Variants in CDC42SE2 observed in about 807,000 individuals in gnomAD.
CDC42SE2 encodes the protein CDC42 small effector protein 2.
A neutral mutation model predicts 11.5 loss-of-function variants in CDC42SE2; 3 were observed. The ratio of observed to expected loss-of-function variants is 0.26; its 90% confidence interval spans 0.12 to 0.67. The LOEUF is 0.67. CDC42SE2 is among the 30% of genes least tolerant of loss of function. CDC42SE2 has a pLI of 0.80. For synonymous variants in CDC42SE2, 33 were observed against 34.8 expected, an observed-to-expected ratio of 0.95 and a Z score of 0.18; for missense variants, 82 against 106.8, an observed-to-expected ratio of 0.77 and a Z score of 1.02.
At chr5:131,280,224 G>GCA (rs973445982) in intron 1 of CDC42SE2, among the ~76,000 whole-genome samples, 2 of 152,052 alleles carry the variant, frequency 1.3e-5, no homozygotes, top group African/African-American at 4.8e-5. Context: ...TCTCTTTTAT[G>GCA]CACACACACA....
chr5:131,217,744 AC>A, the CDC42SE2 span, among the ~76,000 whole-genome samples: 1 of 152,324 alleles, frequency 6.6e-6, no homozygotes, highest in East Asian at 1.9e-4. Context: ...AAACTTAATA[AC>A]CTCTGTTTGC....
chr5:131,327,548 A>G (rs1758323476), intron 2 of CDC42SE2, among the ~76,000 whole-genome samples: 2 of 152,186 alleles, frequency 1.3e-5, no homozygotes, highest in Non-Finnish European at 2.9e-5. Flanking sequence ...TCATATTGGA[A>G]TGATGTTTTG....
At chr5:131,327,497 C>A (rs939158400) in intron 2 of CDC42SE2, among the ~76,000 whole-genome samples, 1 of 151,926 alleles carries the variant, frequency 6.6e-6, no homozygotes. Flanking sequence ...TTTATGTGAC[C>A]CTCTGAGGCT....
At chr5:131,295,979 C>T (rs980413311) in intron 1 of CDC42SE2, among the ~76,000 whole-genome samples, 11 of 152,158 alleles carry the variant, frequency 7.2e-5, no homozygotes, top group African/African-American at 1.7e-4. Context: ...GCCACCGCAC[C>T]CGGCCAACAC....
Position 131,332,338 on chromosome 5 carries a change from G to A in CDC42SE2, c.-286+16194G>A, listed in dbSNP as rs527745690. Reference sequence around the variant, plus strand: ...CTGCATAGTATTCCACGGTGTATATGTGCCACATTTTCTTAATCCAGTCTA... The same window carrying A: ...CTGCATAGTATTCCACGGTGTATATATGCCACATTTTCTTAATCCAGTCTA... On this transcript the variant is annotated intron_variant, in intron 2 of 4. Transcript: ENST00000505065. Among the ~76,000 whole-genome samples, 380 of 152,344 alleles carry A rather than the reference G, an allele frequency of 2.5e-3. 2 individuals carry two copies. The highest frequency in any genetic ancestry group is 8.4e-3 in the African/African-American group (348 of 41,576).
At chr5:131,280,417 C>T (rs900467087) in intron 1 of CDC42SE2, among the ~76,000 whole-genome samples, 6 of 152,016 alleles carry the variant, frequency 3.9e-5, no homozygotes, top group African/African-American at 7.3e-5. Flanking sequence ...TTCACTTTAA[C>T]GAATATTATC....
chr5:131,303,777 C>T (rs1288038774), intron 1 of CDC42SE2, among the ~76,000 whole-genome samples: 2 of 152,088 alleles, frequency 1.3e-5, no homozygotes, highest in African/African-American at 4.8e-5. Flanking sequence ...TGGGATGATG[C>T]AAAACTAGCA....
At chr5:131,351,176 C>G (rs1287090036) in intron 2 of CDC42SE2, among the ~76,000 whole-genome samples, 1 of 152,038 alleles carries the variant, frequency 6.6e-6, no homozygotes, top group African/African-American at 2.4e-5. Context: ...TCTTGAACTC[C>G]TGAGCTCCAG....
intron 3 of CDC42SE2, among the ~76,000 whole-genome samples, chr5:131,360,106 T>G (rs1749665903): frequency 6.6e-6 from 1 of 152,202 alleles, no homozygotes; most frequent in Non-Finnish European, 1.5e-5. Context: ...ACCAAAATCC[T>G]GCCCTCCAGC....
chr5:131,216,501 CAAA>C, the CDC42SE2 span, among the ~76,000 whole-genome samples: 11 of 42,168 alleles, frequency 2.6e-4, no homozygotes, highest in African/African-American at 1.1e-3. Context: ...GAACCTGTCT[CAAA>C]AAAAAAAAAA....
At chr5:131,308,542 G>C (rs1224398400) in intron 1 of CDC42SE2, among the ~76,000 whole-genome samples, 1 of 151,792 alleles carries the variant, frequency 6.6e-6, no homozygotes, top group Non-Finnish European at 1.5e-5. Context: ...GGGCAGTATG[G>C]CCATTTTCAC....
In CDC42SE2 at chr5:131,393,186, C is replaced by CT. The variant is rs1168901792; in HGVS notation, c.*2098dup. On this transcript the variant is annotated 3_prime_UTR_variant, in exon 5 of 5. Transcript: ENST00000505065. The stretch of plus-strand genomic sequence containing the variant: ...ATAACAAATGGGGCTTAATTAAAAA[C>CT]TTTAACTTGGAATAAAGGAACAGGG... The CT allele has an allele frequency of 8.5e-5, 13 of 152,304 alleles. No individual in the cohort carries two copies. Among genetic ancestry groups the CT allele is most frequent in the Admixed American group, 8.5e-4 (13 of 15,274 alleles). The allele number at this position is 152,304 out of a possible 1,614,324, so 9.4% of individuals were successfully genotyped here.
intron 1 of CDC42SE2, among the ~76,000 whole-genome samples, chr5:131,286,700 T>C (rs539471072): frequency 6.6e-6 from 1 of 152,140 alleles, no homozygotes; most frequent in African/African-American, 2.4e-5. Context: ...ATGAAGACTT[T>C]ATGATGATCT....
In CDC42SE2 at chr5:131,346,232, G is replaced by A. The variant is rs144886168; in HGVS notation, c.-285-12977G>A. On this transcript the variant is annotated intron_variant, in intron 2 of 4. Coordinates refer to ENST00000505065, the MANE Select transcript of CDC42SE2 (RefSeq NM_001375635.1). ...CAAATTGGATAAAGAGTCAAGACCC[G>A]TCAGTGTGCTGTATTCAGGAGACCC... is the stretch of plus-strand genomic sequence containing the variant. Among the ~76,000 whole-genome samples, 1,179 of 152,176 alleles carry A rather than the reference G, an allele frequency of 7.7e-3. 14 individuals are homozygous for A. The highest frequency in any genetic ancestry group is 0.026 in the African/African-American group (1,073 of 41,494).
intron 1 of CDC42SE2, among the ~76,000 whole-genome samples, chr5:131,308,573 A>G (rs1243490367): frequency 2.0e-5 from 3 of 151,926 alleles, no homozygotes; most frequent in African/African-American, 2.4e-5. Context: ...CTTCCTACCC[A>G]TGAGCATGGA....
intron 3 of CDC42SE2, among the ~76,000 whole-genome samples, chr5:131,362,511 G>A (rs1395030760): frequency 6.6e-6 from 1 of 152,100 alleles, no homozygotes; most frequent in East Asian, 1.9e-4. Flanking sequence ...ATCTGCTAAA[G>A]TTTTCTAAAA....
intron 1 of CDC42SE2, among the ~76,000 whole-genome samples, chr5:131,271,658 T>G (rs1756997642): frequency 6.6e-6 from 1 of 152,226 alleles, no homozygotes; most frequent in Non-Finnish European, 1.5e-5. Context: ...TACTTCTGTA[T>G]GTCTGCGATC....
At chr5:131,367,106 A>G (rs1450615865) in intron 3 of CDC42SE2, among the ~76,000 whole-genome samples, 7 of 151,200 alleles carry the variant, frequency 4.6e-5, no homozygotes, top group East Asian at 3.9e-4. Flanking sequence ...TCAAATATAT[A>G]TGTGTGTGTG....
intron 3 of CDC42SE2, among the ~76,000 whole-genome samples, chr5:131,360,654 A>G (rs964591882): frequency 1.3e-5 from 2 of 152,222 alleles, no homozygotes; most frequent in African/African-American, 2.4e-5. Flanking sequence ...ATCAAATATA[A>G]TATCTTGGAG....
Sources: allele counts gnomAD v4.1 joint callset (sites outside exome capture counted in the v4.1 genomes callset), GRCh38; gene constraint gnomAD v4.1.1; transcripts MANE v1.5; gene names NCBI Gene and HGNC (gene_info 2026-07-23, HGNC 2026-07-21).